Variants in HSP90AA1 observed in about 807,000 individuals in gnomAD.
The protein encoded by HSP90AA1 is heat shock protein 90 alpha family class A member 1.
A neutral mutation model predicts 73.3 loss-of-function variants in HSP90AA1; 18 were observed. The ratio of observed to expected loss-of-function variants is 0.25; its 90% CI spans 0.17 to 0.36. The LOEUF (loss-of-function observed/expected upper bound fraction) is 0.36, where lower values mean the gene tolerates loss of function less well. Ranked by LOEUF, HSP90AA1 falls within the 10% of genes least tolerant of loss-of-function variation. The pLI is 1.00. For synonymous variants in HSP90AA1, 477 were observed against 296.9 expected (o/e 1.61, Z -6.24); for missense variants, 704 against 874.2 (o/e 0.81, Z 2.45).
At chr14:102,133,397 G>A (rs971995877) in intron 1 of HSP90AA1, among the ~76,000 whole-genome samples, 2 of 152,012 alleles carry the variant, frequency 1.3e-5, no homozygotes, top group Admixed American at 6.6e-5. Flanking sequence ...ATTCCCTGAA[G>A]CCAACTATGG....
chr14:102,134,116 A>C (rs1446608081), intron 1 of HSP90AA1, among the ~76,000 whole-genome samples: 1 of 150,002 alleles, frequency 6.7e-6, no homozygotes, highest in Non-Finnish European at 1.5e-5. Flanking sequence ...ACGCCACTGC[A>C]CTCCAGCCTG....
chr14:102,134,618 G>A (rs572172113), intron 1 of HSP90AA1, among the ~76,000 whole-genome samples: 19 of 151,982 alleles, frequency 1.3e-4, no homozygotes, highest in Non-Finnish European at 1.6e-4. Flanking sequence ...AGACCTTCAC[G>A]GTGAGTATTA....
chr14:102,098,684 G>A (rs2049456287), intron 2 of HSP90AA1, among the ~76,000 whole-genome samples: 1 of 151,764 alleles, frequency 6.6e-6, no homozygotes, highest in Non-Finnish European at 1.5e-5. Context: ...GGATGGTCTC[G>A]ATCTCCTGAC....
chr14:102,121,049 T>C (rs1219351429), intron 1 of HSP90AA1, among the ~76,000 whole-genome samples: 1 of 150,300 alleles, frequency 6.7e-6, no homozygotes, highest in African/African-American at 2.5e-5. Flanking sequence ...ACACGTAAAG[T>C]TGAGACAGGG....
intron 1 of HSP90AA1, among the ~76,000 whole-genome samples, chr14:102,126,750 G>A (rs1244406736): frequency 6.6e-6 from 1 of 152,072 alleles, no homozygotes; most frequent in Non-Finnish European, 1.5e-5. Context: ...GAATGGTCTC[G>A]ATCTCCTGAC....
intron 3 of HSP90AA1, 38 bp downstream of exon 3, chr14:102,085,720 C>A (rs764497199): frequency 2.7e-5 from 44 of 1,613,714 alleles, no homozygotes; most frequent in Non-Finnish European, 3.7e-5. Context: ...CCCCACCCTT[C>A]CACCGCTCAC....
intron 1 of HSP90AA1, among the ~76,000 whole-genome samples, chr14:102,130,971 A>G (rs2049900889): frequency 6.6e-6 from 1 of 152,194 alleles, no homozygotes; most frequent in African/African-American, 2.4e-5. Flanking sequence ...CTCCTGCCTC[A>G]GCCTCCCAAG....
At chr14:102,086,803 T>C (rs2049250950) in intron 1 of HSP90AA1, among the ~76,000 whole-genome samples, 183 bp downstream of exon 1, 1 of 151,448 alleles carries the variant, frequency 6.6e-6, no homozygotes, top group African/African-American at 2.4e-5. Flanking sequence ...GGCCCATTCC[T>C]GAAGCGGGGT....
At chr14:102,104,046 A>C (rs1038358084) in intron 1 of HSP90AA1, among the ~76,000 whole-genome samples, 1 of 152,072 alleles carries the variant, frequency 6.6e-6, no homozygotes, top group African/African-American at 2.4e-5. Flanking sequence ...GTCTCAAAAA[A>C]AAAAAAAAAG....
chr14:102,115,991 G>C (rs926698621), intron 1 of HSP90AA1, among the ~76,000 whole-genome samples: 2 of 143,056 alleles, frequency 1.4e-5, no homozygotes, highest in African/African-American at 5.2e-5. Context: ...TTGCTCTGTC[G>C]CCCAGGCTAG....
At chr14:102,108,524 CTT>C (rs1354672683) in intron 1 of HSP90AA1, among the ~76,000 whole-genome samples, 2 of 147,126 alleles carry the variant, frequency 1.4e-5, no homozygotes, top group East Asian at 2.0e-4. Flanking sequence ...ACACATCTAA[CTT>C]ATAACTTTTT....
chr14:102,134,308 G>A (rs913072974), intron 1 of HSP90AA1, among the ~76,000 whole-genome samples: 2 of 120,490 alleles, frequency 1.7e-5, no homozygotes, highest in African/African-American at 6.2e-5. Context: ...GGGCGACAGA[G>A]CAAGGCTCTG....
At chr14:102,089,615 A>G (rs994856899), upstream of HSP90AA1, among the ~76,000 whole-genome samples, 1 of 152,040 alleles carries the variant, frequency 6.6e-6, no homozygotes, top group Admixed American at 6.6e-5. Context: ...ACTCTCACTA[A>G]TAGAACTTGT....
chr14:102,123,382 G>A (rs768143457), intron 1 of HSP90AA1, among the ~76,000 whole-genome samples: 1 of 151,542 alleles, frequency 6.6e-6, no homozygotes, highest in East Asian at 1.9e-4. Context: ...AGCGAGACTC[G>A]GTCTAAAAAA....
intron 10 of HSP90AA1, 38 bp from the exon 11 acceptor site, chr14:102,081,859 C>A: frequency 1.0e-6 from 1 of 1,001,376 alleles, no homozygotes. Context: ...ACAAAGATTT[C>A]TTAAAGCCAG....
upstream of HSP90AA1, among the ~76,000 whole-genome samples, chr14:102,089,065 C>T (rs565215076): frequency 2.0e-5 from 3 of 152,216 alleles, no homozygotes; most frequent in African/African-American, 7.2e-5. Context: ...GGATTACAGG[C>T]ACCCACCACT....
exon 1 of HSP90AA1, chr14:102,139,453 G>T (rs900989896): frequency 6.7e-7 from 1 of 1,490,110 alleles, no homozygotes; most frequent in Non-Finnish European, 8.9e-7. Context: ...AGCGGTGGCC[G>T]TCGGGGTGGC....
chr14:102,134,831 C>CGGGTTGCCAAT (rs1190464572), intron 1 of HSP90AA1, among the ~76,000 whole-genome samples: 15 of 152,146 alleles, frequency 9.9e-5, no homozygotes, highest in African/African-American at 3.6e-4. Flanking sequence ...TGAACCCGAG[C>CGGGTTGCCAAT]GGGTTGCCAA....
At chr14:102,104,453 T>C (rs1448896525) in intron 1 of HSP90AA1, among the ~76,000 whole-genome samples, 1 of 152,102 alleles carries the variant, frequency 6.6e-6, no homozygotes, top group Non-Finnish European at 1.5e-5. Context: ...CCTCAAGTGA[T>C]CCGCCTACCT....
Sources: gnomAD v4.1 joint callset for allele counts (sites outside exome capture counted in the v4.1 genomes callset) on GRCh38, gnomAD v4.1.1 for gene constraint, MANE v1.5 for transcripts, NCBI Gene and HGNC (gene_info 2026-07-23, HGNC 2026-07-21) for gene names.